The following MCTP2 variants were observed in gnomAD, a reference collection of about 807,000 sequenced individuals.
The protein encoded by MCTP2 is multiple C2 and transmembrane domain containing 2.
MCTP2 carries 132 observed loss-of-function variants against 111.6 expected under a neutral mutation model. The ratio of observed to expected loss-of-function variants is 1.18; its 90% CI spans 1.03 to 1.37. MCTP2 has a LOEUF of 1.37. Among genes scored for constraint, MCTP2 ranks in the 40% most tolerant of loss-of-function variants. MCTP2 has a pLI of 0.00. For missense variants in MCTP2, 1,183 were observed against 1,067.9 expected, an observed-to-expected ratio of 1.11 and a Z score of -1.50; for synonymous variants, 395 against 387.7, an observed-to-expected ratio of 1.02 and a Z score of -0.22.
intron 1 of MCTP2, among the ~76,000 whole-genome samples, chr15:94,241,656 A>T (rs935633352): frequency 3.5e-4 from 53 of 151,978 alleles, no homozygotes; most frequent in Middle Eastern, 3.4e-3. Flanking sequence ...AGATATATAT[A>T]TTTTTTTTCT....
intron 1 of MCTP2, among the ~76,000 whole-genome samples, chr15:94,240,894 C>G (rs144926461): frequency 6.6e-6 from 1 of 152,142 alleles, no homozygotes; most frequent in Non-Finnish European, 1.5e-5. Context: ...TAAATATATA[C>G]AGATGTTGGC....
intron 14 of MCTP2, among the ~76,000 whole-genome samples, chr15:94,388,815 A>T (rs1199360483): frequency 6.6e-6 from 1 of 152,234 alleles, no homozygotes; most frequent in Non-Finnish European, 1.5e-5. Context: ...GCTAGTAAGT[A>T]ATAGAGACAG....
At chr15:94,264,938 TCTCA>T (rs1242099663) in intron 1 of MCTP2, among the ~76,000 whole-genome samples, 15 of 152,216 alleles carry the variant, frequency 9.9e-5, no homozygotes, top group South Asian at 4.1e-4. Context: ...AAAGCCTGAT[TCTCA>T]CTATCTTTTA....
rs530891167 is a variant in MCTP2, at chr15:94,370,301, T to C, written c.1582+121T>C. 7 of 660,324 alleles carry C rather than the reference T, an allele frequency of 1.1e-5. No homozygotes were observed. The African/African-American group carries it at 1.3e-4, about 12-fold the overall frequency. 40.9% of individuals were successfully genotyped at this position (660,324 alleles called of 1,614,324 possible). A position where few individuals can be genotyped will look rare whatever the true frequency, so the allele number is the denominator to read the frequency against. On this transcript the variant is annotated intron_variant, in intron 12 of 22. Coordinates refer to ENST00000357742, the MANE Select transcript of MCTP2 (RefSeq NM_001385001.1). ...ACTATAACAGTCATGCTCCTTCAAA[T>C]AGAGTCATAGCAAAAAAGAGGCAGA...
chr15:94,351,058 T>A (rs1020730528), intron 8 of MCTP2, among the ~76,000 whole-genome samples: 1 of 152,206 alleles, frequency 6.6e-6, no homozygotes, highest in Admixed American at 6.5e-5. Flanking sequence ...AAATATTAAA[T>A]TTAATGCAAA....
At position 94,481,206 on chromosome 15, in the gene MCTP2, C is replaced by T. The variant is rs1269859995; in HGVS notation, c.*2172C>T. 1 of 151,808 alleles carries T rather than the reference C, an allele frequency of 6.6e-6. No homozygotes were observed. The highest frequency in any genetic ancestry group is 1.9e-4 in the East Asian group (1 of 5,160). The allele number at this position is 151,808 out of a possible 1,614,324, so 9.4% of individuals were successfully genotyped here. A position where few individuals can be genotyped will look rare whatever the true frequency, so the allele number is the denominator to read the frequency against. On this transcript the variant is annotated 3_prime_UTR_variant, in exon 23 of 23. Coordinates refer to ENST00000357742, the MANE Select transcript of MCTP2 (RefSeq NM_001385001.1). ...TCAAACTTTATCTTCCCATTTCTAG[C>T]CCTGTCTCTCTATCTTACAGGCATC...
intron 14 of MCTP2, among the ~76,000 whole-genome samples, chr15:94,396,601 T>C (rs974545907): frequency 2.6e-5 from 4 of 152,124 alleles, no homozygotes; most frequent in Non-Finnish European, 5.9e-5. Context: ...AAAAGTAGTC[T>C]CTTCTGTTAC....
chr15:94,448,311 T>C (rs1047178869), intron 19 of MCTP2, among the ~76,000 whole-genome samples: 1 of 152,198 alleles, frequency 6.6e-6, no homozygotes, highest in East Asian at 1.9e-4. Context: ...CTTTCTGATT[T>C]CTATTCTAAG....
chr15:94,273,269 C>A (rs1339991299), intron 1 of MCTP2, among the ~76,000 whole-genome samples: 1 of 152,212 alleles, frequency 6.6e-6, no homozygotes, highest in East Asian at 1.9e-4. Context: ...AACCCAGCAA[C>A]TGCAGAATTA....
intron 17 of MCTP2, among the ~76,000 whole-genome samples, chr15:94,420,386 T>C (rs1202666577): frequency 6.6e-6 from 1 of 152,140 alleles, no homozygotes; most frequent in East Asian, 1.9e-4. Flanking sequence ...TAAAGAAATA[T>C]ATTTTGTAAA....
intron 17 of MCTP2, among the ~76,000 whole-genome samples, chr15:94,426,817 T>C (rs768953249): frequency 7.2e-5 from 11 of 152,204 alleles, no homozygotes; most frequent in Non-Finnish European, 1.3e-4. Context: ...CAAGTCACTC[T>C]GATCCCATCA....
intron 21 of MCTP2, among the ~76,000 whole-genome samples, chr15:94,472,999 C>T (rs556762023): frequency 6.6e-6 from 1 of 152,128 alleles, no homozygotes; most frequent in South Asian, 2.1e-4. Context: ...TTCTAAGTTA[C>T]TTATTCATTT....
chr15:94,459,473 G>A (rs72751349), intron 20 of MCTP2, among the ~76,000 whole-genome samples: 45,071 of 152,038 alleles, frequency 0.3, 6,797 homozygotes, highest in Middle Eastern at 0.32. Flanking sequence ...TTTAAAAAAA[G>A]TAAGTTATAA....
chr15:94,300,965 A>T (rs763126273), intron 2 of MCTP2, among the ~76,000 whole-genome samples: 1 of 152,126 alleles, frequency 6.6e-6, no homozygotes, highest in African/African-American at 2.4e-5. Flanking sequence ...GGGCTGGTCC[A>T]TGATAGTAGA....
chr15:94,478,607 C>T (rs1271252536), intron 22 of MCTP2, among the ~76,000 whole-genome samples: 2 of 152,348 alleles, frequency 1.3e-5, no homozygotes, highest in South Asian at 4.1e-4. Context: ...GAATAATCCT[C>T]AGTAAGTTGC....
rs1162106229 is a variant in MCTP2, at chr15:94,390,124, A to ACG, written c.1788+4599_1788+4600insCG. 5.2e-5 allele frequency among the ~76,000 whole-genome samples: 3 copies of ACG among 57,566 alleles called. No homozygotes were observed. The East Asian group carries it at 1.0e-3, about 19-fold the overall frequency. The allele number at this position is 57,566 out of a possible 152,430, so 37.8% of individuals were successfully genotyped here. A position where few individuals can be genotyped will look rare whatever the true frequency, so the allele number is the denominator to read the frequency against. ...TATATATATATATATGTATATATAT[A>ACG]TATATATACTTAGATGTTTATCATA... On this transcript the variant is annotated intron_variant, in intron 14 of 22. Coordinates refer to ENST00000357742, the MANE Select transcript of MCTP2 (RefSeq NM_001385001.1).
At chr15:94,315,842 A>G (rs1263559734) in intron 4 of MCTP2, among the ~76,000 whole-genome samples, 2 of 152,228 alleles carry the variant, frequency 1.3e-5, no homozygotes, top group African/African-American at 4.8e-5. Flanking sequence ...TATTAGGTTA[A>G]TGATACGAAT....
At chr15:94,291,828 AT>A (rs1354118874) in intron 1 of MCTP2, among the ~76,000 whole-genome samples, 1 of 152,098 alleles carries the variant, frequency 6.6e-6, no homozygotes, top group Non-Finnish European at 1.5e-5. Context: ...CTTTCTCTCT[AT>A]GTTTGGACAG....
At chr15:94,343,390 C>T (rs1289157942) in intron 7 of MCTP2, 1 of 152,072 alleles carries the variant, frequency 6.6e-6, no homozygotes, top group Non-Finnish European at 1.5e-5. Flanking sequence ...TTAATTTAAA[C>T]TCTGATGGAG....
Sources: allele counts gnomAD v4.1 joint callset (sites outside exome capture counted in the v4.1 genomes callset), GRCh38; gene constraint gnomAD v4.1.1; transcripts MANE v1.5; gene names NCBI Gene and HGNC (gene_info 2026-07-23, HGNC 2026-07-21).